Variants in XRN1 observed in about 807,000 individuals in gnomAD.
XRN1 encodes the protein 5'-3' exoribonuclease 1.
XRN1 carries 67 observed loss-of-function variants against 222.3 expected under a neutral mutation model. The observed-to-expected ratio is 0.30, with a 90% confidence interval of 0.25 to 0.37. XRN1 has a LOEUF of 0.37. Ranked by LOEUF, XRN1 falls within the 10% of genes least tolerant of loss-of-function variation. The pLI is 1.00. For missense variants in XRN1, 1,707 were observed against 2,000.2 expected (o/e 0.85, Z 2.80); for synonymous variants, 643 against 652.4 (o/e 0.99, Z 0.22).
intron 33 of XRN1, among the ~76,000 whole-genome samples, chr3:142,343,601 T>G (rs1359015903): frequency 1.3e-5 from 2 of 152,168 alleles, no homozygotes; most frequent in African/African-American, 4.8e-5. Context: ...GGTGAGGATG[T>G]GGAGAAAAAG....
At chr3:142,353,044 T>A (rs1047310179) in intron 32 of XRN1, among the ~76,000 whole-genome samples, 3 of 152,188 alleles carry the variant, frequency 2.0e-5, no homozygotes, top group Admixed American at 2.0e-4. Flanking sequence ...GAGTCTCTAA[T>A]CTTTTAGCAG....
chr3:142,352,921 G>T (rs577967910), intron 32 of XRN1, among the ~76,000 whole-genome samples: 1 of 152,330 alleles, frequency 6.6e-6, no homozygotes, highest in African/African-American at 2.4e-5. Flanking sequence ...TGGGATTACA[G>T]GCATGAGCCA....
At chr3:142,409,129 C>T (rs2108052165) in intron 15 of XRN1, among the ~76,000 whole-genome samples, 1 of 152,138 alleles carries the variant, frequency 6.6e-6, no homozygotes, top group South Asian at 2.1e-4. Flanking sequence ...TATTTTTTTT[C>T]TCCTACACTG....
chr3:142,363,369 A>G (rs1451094463), intron 29 of XRN1, among the ~76,000 whole-genome samples: 1 of 152,042 alleles, frequency 6.6e-6, no homozygotes, highest in Non-Finnish European at 1.5e-5. Context: ...ACTCACCACT[A>G]TACTAACGGG....
intron 23 of XRN1, among the ~76,000 whole-genome samples, chr3:142,377,749 C>T (rs192212007): frequency 2.2e-4 from 34 of 152,142 alleles, no homozygotes; most frequent in Admixed American, 2.0e-3. Context: ...GAAAGTTAAA[C>T]GTATGTAAAG....
chr3:142,396,310 GTAAC>G (rs1284813271), intron 20 of XRN1, among the ~76,000 whole-genome samples: 4 of 152,050 alleles, frequency 2.6e-5, no homozygotes, highest in Admixed American at 2.6e-4. Flanking sequence ...CAATAACTCA[GTAAC>G]TGAGTGCCTA....
intron 15 of XRN1, among the ~76,000 whole-genome samples, chr3:142,408,262 C>A (rs967169302): frequency 1.3e-5 from 2 of 152,200 alleles, no homozygotes; most frequent in Non-Finnish European, 2.9e-5. Context: ...TGCACATAGG[C>A]CTGGGGCCCA....
chr3:142,376,016 C>A, intron 24 of XRN1, 72 bp from the exon 25 acceptor site: 2 of 1,442,592 alleles, frequency 1.4e-6, no homozygotes, highest in South Asian at 1.7e-5. Flanking sequence ...TTTAAAATGT[C>A]GTTCAAGGAA....
chr3:142,320,480 G>T (rs1290020266), intron 37 of XRN1, among the ~76,000 whole-genome samples: 3 of 152,154 alleles, frequency 2.0e-5, no homozygotes. Context: ...TCCTTTGTCA[G>T]ATACATAGTT....
At chr3:142,403,837 G>C in intron 17 of XRN1, 32 bp downstream of exon 17, 1 of 1,611,520 alleles carries the variant, frequency 6.2e-7, no homozygotes. Flanking sequence ...ACTTAATAAA[G>C]TGAAAAAATT....
chr3:142,418,171 G>T (rs1187165063), intron 12 of XRN1: 2 of 221,216 alleles, frequency 9.0e-6, no homozygotes, highest in Non-Finnish European at 1.7e-5. Context: ...GACAGAGATG[G>T]TGACTGTAAT....
intron 1 of XRN1, chr3:142,435,220 C>G (rs2069824681): frequency 6.6e-6 from 1 of 151,546 alleles, no homozygotes; most frequent in Non-Finnish European, 1.5e-5. Context: ...ACGGTGAAAC[C>G]CCGTCTCTAC....
chr3:142,405,286 C>G (rs1009356017), intron 15 of XRN1, among the ~76,000 whole-genome samples: 8 of 152,140 alleles, frequency 5.3e-5, no homozygotes, highest in Non-Finnish European at 8.8e-5. Context: ...ACTGCTACCA[C>G]TGCAAAGTTC....
intron 37 of XRN1, among the ~76,000 whole-genome samples, chr3:142,324,701 CA>C (rs1355123758): frequency 1.3e-5 from 2 of 151,908 alleles, no homozygotes; most frequent in Non-Finnish European, 2.9e-5. Context: ...AACTAGTTTA[CA>C]GTCCCAACAA....
chr3:142,440,000 G>T (rs1280514783), intron 1 of XRN1, among the ~76,000 whole-genome samples: 1 of 150,578 alleles, frequency 6.6e-6, no homozygotes, highest in African/African-American at 2.5e-5. Context: ...GAAGGTCTCA[G>T]GAGACGAAGG....
chr3:142,356,917 T>C lies in XRN1; in HGVS notation c.3667A>G (p.Thr1223Ala), dbSNP rs753869672. Reference protein sequence around the residue: ...NHSPQSLFVPTQVPTKDDDEF... With the variant: ...NHSPQSLFVPAQVPTKDDDEF... ...TTAAAGACTGAGAGTCTTACTTGAG[T>C]AGGAACAAAAAGTGATTGAGGGGAA... The change falls in exon 31 of 41, where the codon ACT (threonine) becomes GCT (alanine). Residue 1223 changes from threonine to alanine, a missense_variant. By Grantham distance (58) the Thr-to-Ala change is moderately conservative. Around this residue, in one of 2 missense-constraint regions of XRN1, gnomAD observed 1,234 missense variants for 1,518.2 expected, o/e 0.81. Transcript: ENST00000392981. 6.2e-7 allele frequency: 1 copy of C among 1,613,752 alleles called. No homozygotes were observed. The highest frequency in any genetic ancestry group is 1.3e-5 in the African/African-American group (1 of 75,000).
intron 29 of XRN1, among the ~76,000 whole-genome samples, chr3:142,360,161 C>A (rs919470554): frequency 6.6e-6 from 1 of 152,126 alleles, no homozygotes; most frequent in Admixed American, 6.5e-5. Flanking sequence ...AACTAGGTAA[C>A]ATTATCTTCA....
chr3:142,363,755 A>G (rs578100191), intron 29 of XRN1, among the ~76,000 whole-genome samples: 4 of 152,116 alleles, frequency 2.6e-5, no homozygotes, highest in East Asian at 1.9e-4. Flanking sequence ...TTCTTTTTCA[A>G]TTTTTTCTGG....
At chr3:142,422,489 G>A (rs770593980) in intron 8 of XRN1, 93 bp downstream of exon 8, 157 of 1,293,824 alleles carry the variant, frequency 1.2e-4, no homozygotes, top group Non-Finnish European at 1.5e-4. Flanking sequence ...CTGCTTTAGC[G>A]TGCATGCAAT....
Sources: allele counts gnomAD v4.1 joint callset (sites outside exome capture counted in the v4.1 genomes callset), GRCh38; gene constraint gnomAD v4.1.1; regional missense constraint gnomAD v4.1.1; transcripts MANE v1.5; gene names NCBI Gene and HGNC (gene_info 2026-07-23, HGNC 2026-07-21).